Variants in CCBE1 observed in about 807,000 individuals in gnomAD.
The protein encoded by CCBE1 is collagen and calcium-binding EGF domain-containing protein 1.
CCBE1 carries 37 observed loss-of-function variants against 50.0 expected under a neutral mutation model. That is an observed-to-expected ratio of 0.74 (90% CI 0.57 to 0.97). CCBE1 has a LOEUF of 0.97. Among genes scored for constraint, CCBE1 ranks in the 50% least tolerant of loss-of-function variants. The probability of loss-of-function intolerance (pLI) is 0.00; values close to 1 mark genes in which losing one functional copy is unlikely to be tolerated. For synonymous variants in CCBE1, 234 were observed against 203.7 expected (o/e 1.15, Z -1.27); for missense variants, 538 against 523.8 (o/e 1.03, Z -0.26).
chr18:59,466,799 A>G lies in CCBE1; in HGVS notation c.493T>C (p.Tyr165His). The G allele has an allele frequency of 6.2e-7, 1 of 1,613,824 alleles. No homozygotes were observed. Among genetic ancestry groups the G allele is most frequent in the East Asian group, 2.2e-5 (1 of 44,870 alleles). ...GSYRCECREG[Y>H]IREDDGKTCT... is the part of the protein sequence containing the mutation. ...GTCTTCCCATCATCTTCCCGGATGT[A>G]GCCTTCCCGGCACTCGCAGCGGTAG... Residue 165 changes from tyrosine to histidine, a missense_variant, in exon 5 of 11, where the codon TAC (tyrosine) becomes CAC (histidine). Transcript: ENST00000439986.
intron 2 of CCBE1, among the ~76,000 whole-genome samples, chr18:59,525,487 A>G (rs1368109017): frequency 2.6e-5 from 4 of 152,130 alleles, no homozygotes; most frequent in Non-Finnish European, 5.9e-5. Context: ...TTCCTCGTAG[A>G]TTCTGAATAT....
intron 3 of CCBE1, among the ~76,000 whole-genome samples, chr18:59,478,845 C>T (rs1912435024): frequency 6.6e-6 from 1 of 152,122 alleles, no homozygotes; most frequent in African/African-American, 2.4e-5. Context: ...GTGGGTTTAC[C>T]CATCATGCTA....
intron 2 of CCBE1, among the ~76,000 whole-genome samples, chr18:59,652,910 A>G (rs899754818): frequency 2.6e-5 from 4 of 151,770 alleles, no homozygotes; most frequent in African/African-American, 7.2e-5. Flanking sequence ...CTTGCAGTGA[A>G]CCGAGAACGC....
chr18:59,487,980 T>C (rs1912902833), intron 2 of CCBE1, among the ~76,000 whole-genome samples: 1 of 152,232 alleles, frequency 6.6e-6, no homozygotes, highest in South Asian at 2.1e-4. Flanking sequence ...AAAGAGGTGG[T>C]ACATACATAC....
intron 2 of CCBE1, among the ~76,000 whole-genome samples, chr18:59,640,276 A>G (rs933935461): frequency 3.3e-5 from 5 of 152,220 alleles, no homozygotes; most frequent in African/African-American, 1.2e-4. Flanking sequence ...GCTGATACCA[A>G]AACAGATACA....
chr18:59,689,486 G>A (rs529415344), intron 2 of CCBE1, among the ~76,000 whole-genome samples: 31 of 152,258 alleles, frequency 2.0e-4, no homozygotes, highest in African/African-American at 5.5e-4. Context: ...AGAAAGATGC[G>A]ACATTTTGCT....
intron 7 of CCBE1, among the ~76,000 whole-genome samples, chr18:59,441,825 A>T (rs1214981725): frequency 6.6e-6 from 1 of 152,250 alleles, no homozygotes; most frequent in Admixed American, 6.5e-5. Context: ...ACAAAGAGGA[A>T]GATAAAATGA....
At chr18:59,552,315 C>G (rs1006690761) in intron 2 of CCBE1, among the ~76,000 whole-genome samples, 2 of 152,160 alleles carry the variant, frequency 1.3e-5, no homozygotes, top group African/African-American at 4.8e-5. Flanking sequence ...GAGCATTTTT[C>G]CCCCAGGATG....
intron 2 of CCBE1, among the ~76,000 whole-genome samples, chr18:59,537,711 G>A (rs1292826957): frequency 6.6e-6 from 1 of 152,186 alleles, no homozygotes; most frequent in African/African-American, 2.4e-5. Flanking sequence ...AAAGTGTACA[G>A]CCTTCAATGT....
chr18:59,671,598 A>G lies in CCBE1; in HGVS notation c.212+25031T>C, dbSNP rs188826767. Among the ~76,000 whole-genome samples the G allele has an allele frequency of 7.2e-5, 11 of 152,194 alleles. No homozygotes were observed. The East Asian group carries it at 2.1e-3, about 29-fold the overall frequency. Reference sequence around the variant, plus strand: ...TTCAGCAAGAAAAGTGATAGGACATAGGTTTCCTTAATGGCACTTCCAAAG... The same window carrying G: ...TTCAGCAAGAAAAGTGATAGGACATGGGTTTCCTTAATGGCACTTCCAAAG... On this transcript the variant is annotated intron_variant, in intron 2 of 10. Transcript: ENST00000439986.
chr18:59,539,355 G>A (rs770945951), intron 2 of CCBE1, among the ~76,000 whole-genome samples: 5 of 152,170 alleles, frequency 3.3e-5, no homozygotes, highest in African/African-American at 7.2e-5. Context: ...AACAGTCAGC[G>A]AAGAACTGAG....
chr18:59,594,900 T>A (rs1357303719), intron 2 of CCBE1, among the ~76,000 whole-genome samples: 1 of 151,576 alleles, frequency 6.6e-6, no homozygotes, highest in African/African-American at 2.4e-5. Context: ...GATCACGAGG[T>A]CAAGAGAACA....
At position 59,674,372 on chromosome 18, in the gene CCBE1, G is replaced by A. The variant is rs555791881; in HGVS notation, c.212+22257C>T. 3.7e-4 allele frequency among the ~76,000 whole-genome samples: 56 copies of A among 152,260 alleles called. 1 individual carries two copies. The South Asian group carries it at 0.011, about 31-fold the overall frequency. Reference sequence around the variant, plus strand: ...TTCTCAGCAAACTAAGACAGGAACAGAAAACCAAACGCAGCATGTTCTCAC... The same window carrying A: ...TTCTCAGCAAACTAAGACAGGAACAAAAAACCAAACGCAGCATGTTCTCAC... On this transcript the variant is annotated intron_variant, in intron 2 of 10. Transcript: ENST00000439986.
intron 2 of CCBE1, among the ~76,000 whole-genome samples, chr18:59,678,866 G>T (rs550073777): frequency 1.3e-5 from 2 of 152,226 alleles, no homozygotes; most frequent in East Asian, 3.9e-4. Flanking sequence ...AATGTATCGA[G>T]TGTTGACTAA....
At chr18:59,605,339 G>A (rs1248492746) in intron 2 of CCBE1, among the ~76,000 whole-genome samples, 9 of 152,234 alleles carry the variant, frequency 5.9e-5, no homozygotes, top group Admixed American at 5.2e-4. Flanking sequence ...ACAAGAGGAA[G>A]ATGACAAGTT....
intron 2 of CCBE1, among the ~76,000 whole-genome samples, chr18:59,582,985 TAAAA>T (rs1162197599): frequency 2.0e-5 from 3 of 151,904 alleles, no homozygotes; most frequent in Non-Finnish European, 4.4e-5. Context: ...CCCAACTAAA[TAAAA>T]AAAATTTTCT....
rs1910120854 is a variant in CCBE1 at position 59,435,761 on chromosome 18, GGAA to G, written c.*144_*146del. 5 of 782,574 alleles carry G rather than the reference GGAA, an allele frequency of 6.4e-6. No homozygotes were observed. Among genetic ancestry groups the G allele is most frequent in the Admixed American group, 5.5e-5 (3 of 54,248 alleles). The allele number at this position is 782,574 out of a possible 1,614,324, so 48.5% of individuals were successfully genotyped here. On this transcript the variant is annotated 3_prime_UTR_variant, in exon 11 of 11. Transcript: ENST00000439986. Reference sequence around the variant, plus strand: ...GGACTCTGAAAATAGCATCGTATTTGGAAGAAGAGGAGTGGAGAGACGTCAGGA... The same window carrying G: ...GGACTCTGAAAATAGCATCGTATTTGGAAGAGGAGTGGAGAGACGTCAGGA...
intron 2 of CCBE1, among the ~76,000 whole-genome samples, chr18:59,635,796 C>A (rs1357729196): frequency 1.3e-5 from 2 of 150,744 alleles, no homozygotes; most frequent in African/African-American, 4.9e-5. Context: ...ATAGAAAAAG[C>A]ACAAAATGAC....
chr18:59,681,521 C>T (rs2054587789), intron 2 of CCBE1, among the ~76,000 whole-genome samples: 1 of 152,154 alleles, frequency 6.6e-6, no homozygotes, highest in Non-Finnish European at 1.5e-5. Flanking sequence ...CTACAGCTCT[C>T]CATGAAGCGA....
Sources: gnomAD v4.1 joint callset for allele counts (sites outside exome capture counted in the v4.1 genomes callset) on GRCh38, gnomAD v4.1.1 for gene constraint, MANE v1.5 for transcripts, NCBI Gene and HGNC (gene_info 2026-07-23, HGNC 2026-07-21) for gene names.